CTBP2: variants seen among roughly 807,000 people sequenced by gnomAD.
The protein encoded by CTBP2 is C-terminal-binding protein 2.
CTBP2 carries 30 observed loss-of-function variants against 80.3 expected under a neutral mutation model. That is an observed-to-expected ratio of 0.37 (90% CI 0.28 to 0.51). CTBP2 has a LOEUF of 0.51. CTBP2 is among the 20% of genes least tolerant of loss of function. CTBP2 has a pLI of 0.93. For synonymous variants in CTBP2, 594 were observed against 587.4 expected, an observed-to-expected ratio of 1.01 and a Z score of -0.16; for missense variants, 1,212 against 1,375.3, an observed-to-expected ratio of 0.88 and a Z score of 1.88.
At chr10:125,025,959 GT>G in intron 1 of CTBP2, 1 of 1,257,406 alleles carries the variant, frequency 8.0e-7, no homozygotes, top group Non-Finnish European at 1.1e-6. Context: ...TTCTTGTTTG[GT>G]GGTGTGTGTG....
intron 2 of CTBP2, among the ~76,000 whole-genome samples, chr10:125,101,429 C>T (rs1311981064): frequency 6.6e-6 from 1 of 152,224 alleles, no homozygotes; most frequent in Non-Finnish European, 1.5e-5. Flanking sequence ...GGCATAGGAG[C>T]GGGTGCAGCA....
At position 125,152,867 on chromosome 10, in the gene CTBP2, G is replaced by C. The variant is rs199813909; in HGVS notation, c.-206+7452C>G. On this transcript the variant is annotated intron_variant, in intron 1 of 10. Coordinates refer to the CTBP2 transcript ENST00000337195. ...CGCAGGGCAGATAGAGCAATCCAGA[G>C]TGCGGACCACAGCTGAACGTCTGGA... Among the ~76,000 whole-genome samples the C allele has an allele frequency of 6.6e-5, 10 of 152,316 alleles. No individual in the cohort carries two copies. The East Asian group carries it at 1.2e-3, about 18-fold the overall frequency.
At chr10:125,090,437 T>A (rs1326812704) in intron 2 of CTBP2, among the ~76,000 whole-genome samples, 1 of 147,276 alleles carries the variant, frequency 6.8e-6, no homozygotes, top group African/African-American at 2.5e-5. Flanking sequence ...AGAAAAAATA[T>A]GGAATAATAA....
intron 2 of CTBP2, among the ~76,000 whole-genome samples, chr10:125,062,509 C>T (rs775465104): frequency 3.3e-5 from 5 of 152,094 alleles, no homozygotes; most frequent in Admixed American, 6.6e-5. Flanking sequence ...GCTGGCAGCA[C>T]GCAGCAGAAC....
chr10:125,156,389 C>T (rs1393798959), intron 1 of CTBP2, among the ~76,000 whole-genome samples: 3 of 152,334 alleles, frequency 2.0e-5, no homozygotes, highest in African/African-American at 7.2e-5. Flanking sequence ...TCTACCATTG[C>T]TGTAAACTCT....
At chr10:125,074,267 T>C (rs1199974800) in intron 2 of CTBP2, among the ~76,000 whole-genome samples, 1 of 152,230 alleles carries the variant, frequency 6.6e-6, no homozygotes, top group Non-Finnish European at 1.5e-5. Flanking sequence ...AAGGATCCCC[T>C]GCAGACAATT....
chr10:125,147,044 C>G (rs1294682531), intron 1 of CTBP2, among the ~76,000 whole-genome samples: 2 of 152,194 alleles, frequency 1.3e-5, no homozygotes, highest in Admixed American at 6.5e-5. Flanking sequence ...AAACAGGATG[C>G]CACCAAGCAA....
chr10:125,129,469 A>G (rs944332979), intron 1 of CTBP2, among the ~76,000 whole-genome samples: 2 of 152,156 alleles, frequency 1.3e-5, no homozygotes, highest in African/African-American at 4.8e-5. Context: ...AAACAGGTTG[A>G]CCTTAGGTCA....
intron 1 of CTBP2, among the ~76,000 whole-genome samples, chr10:125,128,877 C>T (rs1453965535): frequency 6.6e-6 from 1 of 152,118 alleles, no homozygotes; most frequent in Admixed American, 6.5e-5. Flanking sequence ...CTCAGAATAG[C>T]GAAAAGCTGG....
chr10:125,033,309 G>A (rs1242728280), intron 3 of CTBP2, among the ~76,000 whole-genome samples: 1 of 152,198 alleles, frequency 6.6e-6, no homozygotes, highest in Non-Finnish European at 1.5e-5. Flanking sequence ...GGATGTGGAA[G>A]GGCTGAGAAA....
intron 1 of CTBP2, among the ~76,000 whole-genome samples, chr10:125,118,089 A>G (rs11245506): frequency 0.034 from 5,252 of 152,376 alleles, 232 homozygotes; most frequent in East Asian, 0.22. Context: ...ACCAGTGGAA[A>G]ACTGGAAGGG....
intron 5 of CTBP2, 46 bp downstream of exon 7, chr10:124,994,423 T>C: frequency 1.3e-6 from 2 of 1,590,102 alleles, no homozygotes; most frequent in Middle Eastern, 1.7e-4. Flanking sequence ...AAGCAAGTGC[T>C]ACCACCTTTC....
Position 125,097,242 on chromosome 10 carries a change from C to T in CTBP2, c.-102+13748G>A, listed in dbSNP as rs76177531. 7.6e-3 allele frequency among the ~76,000 whole-genome samples: 1,159 copies of T among 152,340 alleles called. 11 individuals are homozygous for T. The highest frequency in any genetic ancestry group is 0.031 in the Middle Eastern group (9 of 294). On this transcript the variant is annotated intron_variant, in intron 2 of 10. Coordinates refer to the CTBP2 transcript ENST00000337195. ...TCCACACCTGACTCAAGCATTTCCC[C>T]TCGCTGGGGTATAAAGGTAATATGG...
At chr10:125,050,065 CTCA>C (rs10552909) in intron 2 of CTBP2, among the ~76,000 whole-genome samples, 67,049 of 151,838 alleles carry the variant, frequency 0.44, 16,034 homozygotes, top group African/African-American at 0.63. Flanking sequence ...TAAGGCATCA[CTCA>C]TCATGCAAAG....
chr10:125,031,021 AGCGCTTCCCTAGGGAG>A (rs57371724), upstream of CTBP2, among the ~76,000 whole-genome samples: 70,129 of 151,530 alleles, frequency 0.46, 16,479 homozygotes, highest in East Asian at 0.62. Context: ...TCCCACAGCG[AGCGCTTCCCTAGGGAG>A]GCTGCAGAAG....
intron 1 of CTBP2, among the ~76,000 whole-genome samples, chr10:125,148,853 T>G (rs761001810): frequency 3.3e-5 from 5 of 152,222 alleles, no homozygotes; most frequent in Admixed American, 6.5e-5. Flanking sequence ...GCCTCATTCT[T>G]AATCCCAGGC....
intron 2 of CTBP2, among the ~76,000 whole-genome samples, chr10:125,104,501 T>C (rs1590803432): frequency 6.6e-6 from 1 of 152,304 alleles, no homozygotes; most frequent in South Asian, 2.1e-4. Context: ...CATTATGAAA[T>C]ATGTATAAAT....
intron 1 of CTBP2, among the ~76,000 whole-genome samples, chr10:125,009,091 G>C (rs114434243): frequency 5.3e-4 from 81 of 152,346 alleles, no homozygotes; most frequent in African/African-American, 1.9e-3. Context: ...TAGGGTGGAC[G>C]TGTCAGGTTA....
intron 1 of CTBP2, among the ~76,000 whole-genome samples, chr10:125,022,121 G>A (rs537469017): frequency 2.0e-5 from 3 of 152,344 alleles, no homozygotes; most frequent in South Asian, 2.1e-4. Context: ...GCCCCACGCC[G>A]GCCTGGGCGG....
Sources: gnomAD v4.1 joint callset for allele counts (sites outside exome capture counted in the v4.1 genomes callset) on GRCh38, gnomAD v4.1.1 for gene constraint, MANE v1.5 for transcripts, NCBI Gene and HGNC (gene_info 2026-07-23, HGNC 2026-07-21) for gene names.